The following ZNF407 variants were observed in gnomAD, a reference collection of about 807,000 sequenced individuals.
ZNF407 encodes zinc finger protein 407.
Under a neutral mutation model 131.2 loss-of-function variants are expected in ZNF407, and 17 were observed. The observed-to-expected ratio is 0.13, with a 90% confidence interval of 0.09 to 0.19. The LOEUF (loss-of-function observed/expected upper bound fraction) is 0.19. ZNF407 is among the 10% of genes least tolerant of loss of function. The pLI, the probability that ZNF407 is intolerant of heterozygous loss-of-function variation, is 1.00. For synonymous variants in ZNF407, 1,156 were observed against 1,062.0 expected, an observed-to-expected ratio of 1.09 and a Z score of -1.72; for missense variants, 2,681 against 2,830.6, an observed-to-expected ratio of 0.95 and a Z score of 1.20.
At chr18:74,708,151 TGTCTATATATTTATATTTGTTTCA>T (rs775038441) in intron 3 of ZNF407, among the ~76,000 whole-genome samples, 11 of 152,248 alleles carry the variant, frequency 7.2e-5, no homozygotes, top group Admixed American at 2.0e-4. Flanking sequence ...AACTGGGTAC[TGTCTATATATTTATATTTGTTTCA>T]GTACAACTAT....
chr18:74,854,805 G>A (rs982649030), intron 4 of ZNF407, among the ~76,000 whole-genome samples: 7 of 151,864 alleles, frequency 4.6e-5, no homozygotes, highest in African/African-American at 7.3e-5. Flanking sequence ...ACATGCACCC[G>A]AACCGCTGCC....
intron 3 of ZNF407, among the ~76,000 whole-genome samples, chr18:74,654,079 A>C (rs1985346052): frequency 6.6e-6 from 1 of 151,876 alleles, no homozygotes. Context: ...AGGTCTTGAT[A>C]ATTCAAGGAA....
rs769513109 is a variant in ZNF407, at chr18:74,635,380, A to G, written c.4361A>G (p.Tyr1454Cys). The G allele has an allele frequency of 6.2e-6, 10 of 1,614,004 alleles. No individual in the cohort carries two copies. Among genetic ancestry groups the G allele is most frequent in the Non-Finnish European group, 8.5e-6 (10 of 1,179,874 alleles). Reference sequence around the variant, plus strand: ...TGTTTACTCTGTGGAAAGTCGTTCTATACCGAAAGCAACCTTCACCAGCAT... The same window carrying G: ...TGTTTACTCTGTGGAAAGTCGTTCTGTACCGAAAGCAACCTTCACCAGCAT... ...FHCLLCGKSF[Y>C]TESNLHQHLA... The change falls in exon 2 of 9, where the codon TAT (tyrosine) becomes TGT (cysteine). Residue 1454 changes from tyrosine to cysteine, a missense_variant. Coordinates refer to ENST00000299687, the MANE Select transcript of ZNF407 (RefSeq NM_017757.3). The surrounding 1 kb of genome is among the most constrained non-coding windows in gnomAD (Gnocchi z 4.7).
At chr18:74,925,054 A>G (rs1199526070) in intron 8 of ZNF407, among the ~76,000 whole-genome samples, 2 of 152,214 alleles carry the variant, frequency 1.3e-5, no homozygotes, top group Non-Finnish European at 2.9e-5. Flanking sequence ...GGTAATGATT[A>G]CAAGGTGTTC....
At chr18:74,986,198 C>G (rs1972650887) in intron 8 of ZNF407, among the ~76,000 whole-genome samples, 2 of 151,764 alleles carry the variant, frequency 1.3e-5, no homozygotes, top group South Asian at 4.2e-4. Flanking sequence ...AATACAAATG[C>G]AGTCTAGTGT....
chr18:74,612,416 A>T (rs1414054363), intron 1 of ZNF407, among the ~76,000 whole-genome samples: 1 of 152,214 alleles, frequency 6.6e-6, no homozygotes, highest in African/African-American at 2.4e-5. Flanking sequence ...TTTTTTGTAT[A>T]TACCAAATAT....
chr18:74,631,082 A>G lies in ZNF407; in HGVS notation c.63A>G (p.Gln21=), dbSNP rs767261402. 1 of 1,613,484 alleles carries G rather than the reference A, an allele frequency of 6.2e-7. No homozygotes were observed. Among genetic ancestry groups the G allele is most frequent in the Non-Finnish European group, 8.5e-7 (1 of 1,179,828 alleles). Residue 21 remains glutamine, a synonymous_variant, in exon 2 of 9, where the codon CAA becomes CAG. Transcript: ENST00000299687. ...DEDEKINKEA[Q]DLTKLSSHNE... ...ATGAAAAGATAAACAAAGAAGCACA[A>G]GACTTGACAAAGCTTTCATCCCATA... is the stretch of plus-strand genomic sequence containing the variant.
At chr18:74,656,993 G>A (rs1272846051) in intron 3 of ZNF407, among the ~76,000 whole-genome samples, 1 of 150,978 alleles carries the variant, frequency 6.6e-6, no homozygotes, top group Non-Finnish European at 1.5e-5. Context: ...TACTTCCTTT[G>A]AATGAACATT....
chr18:74,645,293 A>C (rs1274145816), intron 3 of ZNF407, among the ~76,000 whole-genome samples: 2 of 152,106 alleles, frequency 1.3e-5, no homozygotes, highest in African/African-American at 4.8e-5. Context: ...AGAGTTGTAG[A>C]AAACTAATAA....
intron 4 of ZNF407, among the ~76,000 whole-genome samples, chr18:74,818,960 C>G (rs1283247194): frequency 6.6e-6 from 1 of 151,856 alleles, no homozygotes; most frequent in East Asian, 1.9e-4. Flanking sequence ...TCTCTGTCTC[C>G]CTCCTGCCCT....
intron 8 of ZNF407, among the ~76,000 whole-genome samples, chr18:74,978,901 G>T (rs1972557025): frequency 6.6e-6 from 1 of 152,182 alleles, no homozygotes; most frequent in African/African-American, 2.4e-5. Flanking sequence ...ATGACAATGT[G>T]CAGGGAGCTG....
intron 1 of ZNF407, among the ~76,000 whole-genome samples, chr18:74,615,441 G>T (rs1318150694): frequency 2.6e-5 from 4 of 152,192 alleles, no homozygotes; most frequent in Admixed American, 2.0e-4. Flanking sequence ...GGGGGCAGAG[G>T]TTGCAGTGAG....
chr18:74,678,711 G>C lies in ZNF407; in HGVS notation c.4802+37589G>C, dbSNP rs575065177. Among the ~76,000 whole-genome samples the C allele has an allele frequency of 2.6e-5, 4 of 152,274 alleles. No homozygotes were observed. The South Asian group carries it at 8.3e-4, about 32-fold the overall frequency. On this transcript the variant is annotated intron_variant, in intron 3 of 8. Transcript: ENST00000299687. ...AGGGTTGGTCCAAATTGCCTCGTTT[G>C]AAATTAACAGAAGCTCTTGTGCAAT...
At chr18:74,797,417 C>T (rs566879305) in intron 4 of ZNF407, among the ~76,000 whole-genome samples, 4 of 152,266 alleles carry the variant, frequency 2.6e-5, no homozygotes, top group South Asian at 2.1e-4. Flanking sequence ...CTTTGGCAAC[C>T]AATGAATGGT....
At chr18:74,659,383 TA>T (rs1322637357) in intron 3 of ZNF407, among the ~76,000 whole-genome samples, 2 of 152,096 alleles carry the variant, frequency 1.3e-5, no homozygotes, top group Admixed American at 6.6e-5. Context: ...AATTATGAGG[TA>T]AAAAAGATAC....
chr18:74,613,421 G>A (rs568834765), intron 1 of ZNF407, among the ~76,000 whole-genome samples: 8 of 152,324 alleles, frequency 5.3e-5, no homozygotes, highest in African/African-American at 1.9e-4. Context: ...CTCCTGTGAA[G>A]CCAAACAGCA....
intron 1 of ZNF407, among the ~76,000 whole-genome samples, chr18:74,614,295 T>G (rs536677716): frequency 2.6e-5 from 4 of 152,352 alleles, no homozygotes; most frequent in East Asian, 3.9e-4. Flanking sequence ...ATGGGTGGTG[T>G]TCTACTGTAT....
chr18:74,697,741 T>C (rs972239626), intron 3 of ZNF407, among the ~76,000 whole-genome samples: 5 of 152,194 alleles, frequency 3.3e-5, no homozygotes, highest in Non-Finnish European at 7.4e-5. Context: ...TATTCAAAAC[T>C]AATAAGCTAC....
intron 4 of ZNF407, among the ~76,000 whole-genome samples, chr18:74,815,971 T>C (rs1005911739): frequency 1.3e-5 from 2 of 152,214 alleles, no homozygotes; most frequent in African/African-American, 4.8e-5. Flanking sequence ...CCAATCTCTA[T>C]GTAAAATGTA....
Sources: allele counts gnomAD v4.1 joint callset (sites outside exome capture counted in the v4.1 genomes callset), GRCh38; gene constraint gnomAD v4.1.1; non-coding constraint Gnocchi (gnomAD v3.1); transcripts MANE v1.5; gene names NCBI Gene and HGNC (gene_info 2026-07-23, HGNC 2026-07-21).